Variants in ARHGAP10 observed in about 807,000 individuals in gnomAD.
The protein encoded by ARHGAP10 is Rho GTPase activating protein 10.
Under a neutral mutation model 108.6 loss-of-function variants are expected in ARHGAP10, and 87 were observed. The ratio of observed to expected loss-of-function variants is 0.80; its 90% CI spans 0.67 to 0.96. The LOEUF is 0.96. ARHGAP10 is among the 40% of genes least tolerant of loss of function. The pLI is 0.00. For missense variants in ARHGAP10, 939 were observed against 954.5 expected (o/e 0.98, Z 0.21); for synonymous variants, 347 against 341.1 (o/e 1.02, Z -0.19).
chr4:147,911,475 G>C (rs1464308944), intron 12 of ARHGAP10, among the ~76,000 whole-genome samples: 1 of 152,162 alleles, frequency 6.6e-6, no homozygotes, highest in Non-Finnish European at 1.5e-5. Context: ...CCGTTTTCCT[G>C]TCTCAACCTC....
chr4:148,071,904 G>C (rs1730199109), intron 22 of ARHGAP10, 89 bp from the exon 23 acceptor site: 1 of 1,098,484 alleles, frequency 9.1e-7, no homozygotes, highest in Non-Finnish European at 1.3e-6. Context: ...TTCTCTACTG[G>C]CCACTCCCTG....
At position 147,906,596 on chromosome 4, in the gene ARHGAP10, A is replaced by T. The variant is rs12509618; in HGVS notation, c.1035-42A>T. 1.6e-5 allele frequency: 25 copies of T among 1,597,616 alleles called. No homozygotes were observed. In the East Asian group the frequency reaches 1.6e-4, roughly 10 times the overall value. ...AAATCTTAGGAAAAACTTGCCTTTT[A>T]GTGGCCAAGGGGTAACCTGATATGT... is the stretch of plus-strand genomic sequence containing the variant. On this transcript the variant is annotated intron_variant, in intron 10 of 22. Coordinates refer to ENST00000336498, the MANE Select transcript of ARHGAP10 (RefSeq NM_024605.4).
chr4:147,955,919 A>G (rs1010151630), intron 16 of ARHGAP10, among the ~76,000 whole-genome samples: 1 of 152,230 alleles, frequency 6.6e-6, no homozygotes, highest in South Asian at 2.1e-4. Context: ...AAAAAGGCCT[A>G]TAGTTGGTAG....
chr4:147,869,444 T>C (rs889962053), intron 7 of ARHGAP10, among the ~76,000 whole-genome samples: 1 of 152,220 alleles, frequency 6.6e-6, no homozygotes, highest in African/African-American at 2.4e-5. Context: ...GGAAATCTTA[T>C]GAGCAAACCT....
At chr4:148,017,243 C>T (rs536559358) in intron 18 of ARHGAP10, among the ~76,000 whole-genome samples, 45 of 152,170 alleles carry the variant, frequency 3.0e-4, no homozygotes, top group African/African-American at 5.8e-4. Context: ...GAATATAGAG[C>T]GAGATGCCTT....
intron 13 of ARHGAP10, among the ~76,000 whole-genome samples, chr4:147,936,515 GAGACGGGGTTTCACCTTGTT>G (rs1335561077): frequency 6.6e-6 from 1 of 151,362 alleles, no homozygotes; most frequent in Non-Finnish European, 1.5e-5. Flanking sequence ...ATTTTTAGTA[GAGACGGGGTTTCACCTTGTT>G]AGCCAGGATG....
intron 1 of ARHGAP10, among the ~76,000 whole-genome samples, chr4:147,755,463 C>A (rs967356995): frequency 2.0e-5 from 3 of 151,858 alleles, no homozygotes; most frequent in African/African-American, 4.8e-5. Flanking sequence ...GCGGAGGTTG[C>A]GGTGAGCCGA....
chr4:147,762,719 G>C (rs1378245566), intron 1 of ARHGAP10, among the ~76,000 whole-genome samples: 1 of 151,560 alleles, frequency 6.6e-6, no homozygotes, highest in Non-Finnish European at 1.5e-5. Context: ...TTTTAGTAGA[G>C]ATGGGTTTCA....
At chr4:147,820,973 A>G (rs1322114034) in intron 1 of ARHGAP10, among the ~76,000 whole-genome samples, 3 of 152,274 alleles carry the variant, frequency 2.0e-5, no homozygotes, top group Non-Finnish European at 4.4e-5. Flanking sequence ...CTAATGGCTA[A>G]AATAGCAGCC....
rs541642261 is a variant in ARHGAP10 at position 147,838,482 on chromosome 4, A to C, written c.313-8669A>C. Among the ~76,000 whole-genome samples, 496 of 149,286 alleles carry C rather than the reference A, an allele frequency of 3.3e-3. 4 individuals carry two copies. The highest frequency in any genetic ancestry group is 9.9e-3 in the African/African-American group (403 of 40,828). On this transcript the variant is annotated intron_variant, in intron 3 of 22. Transcript: ENST00000336498. Reference sequence around the variant, plus strand: ...TGAGACCCTTGTCTCTTAAAAAAAAAACACACACACACACACACCAAAGAC... The same window carrying C: ...TGAGACCCTTGTCTCTTAAAAAAAACACACACACACACACACACCAAAGAC...
chr4:147,871,412 T>C (rs1734818837), intron 7 of ARHGAP10, among the ~76,000 whole-genome samples: 1 of 152,200 alleles, frequency 6.6e-6, no homozygotes, highest in Admixed American at 6.5e-5. Context: ...TATTTTACAA[T>C]GATATGGTTT....
chr4:147,883,856 G>A (rs1022450423), intron 10 of ARHGAP10, among the ~76,000 whole-genome samples: 16 of 151,948 alleles, frequency 1.1e-4, no homozygotes, highest in African/African-American at 3.4e-4. Context: ...TACCAGACCC[G>A]GCTAATTTTT....
chr4:147,913,037 TA>T (rs1241350327), intron 12 of ARHGAP10, 36 bp from the exon 13 acceptor site: 1 of 1,548,004 alleles, frequency 6.5e-7, no homozygotes, highest in Admixed American at 1.7e-5. Flanking sequence ...TGATAAATAA[TA>T]ATTGTACACT....
At chr4:147,948,872 A>C (rs1021796383) in intron 15 of ARHGAP10, among the ~76,000 whole-genome samples, 1 of 151,416 alleles carries the variant, frequency 6.6e-6, no homozygotes, top group Non-Finnish European at 1.5e-5. Flanking sequence ...AGGCTGAGGC[A>C]GGAGAAGGGT....
intron 1 of ARHGAP10, among the ~76,000 whole-genome samples, chr4:147,757,767 A>G (rs906583509): frequency 7.9e-5 from 12 of 152,296 alleles, no homozygotes; most frequent in Admixed American, 7.2e-4. Context: ...TGGCCCAGCT[A>G]ATTACCATTG....
At chr4:148,008,123 C>T (rs111506471) in intron 18 of ARHGAP10, among the ~76,000 whole-genome samples, 11 of 152,242 alleles carry the variant, frequency 7.2e-5, no homozygotes, top group African/African-American at 2.6e-4. Flanking sequence ...CATTGCTCCT[C>T]CTGAGGCATA....
chr4:148,046,707 G>C (rs1728900576), intron 19 of ARHGAP10, among the ~76,000 whole-genome samples, 185 bp from the exon 20 acceptor site: 1 of 152,042 alleles, frequency 6.6e-6, no homozygotes, highest in Non-Finnish European at 1.5e-5. Context: ...TGTATTATCT[G>C]TGGTTTATTT....
rs61748167 is a variant in ARHGAP10 at position 148,023,382 on chromosome 4, C to T, written c.1836C>T (p.Ala612=). The T allele has an allele frequency of 2.2e-3, 3,490 of 1,613,790 alleles. 80 individuals are homozygous for T. In the African/African-American group the frequency reaches 0.041, roughly 19 times the overall value. The change falls in exon 19 of 23, where the codon GCC becomes GCT. Residue 612 remains alanine, a synonymous_variant. Transcript: ENST00000336498. ...GCCAGAGAACCAAGAGGCCCGTGGC[C>T]GTCTACAATCTTTGTCTGGAGCTGG... ...RQGQRTKRPV[A]VYNLCLELED...
chr4:148,046,398 G>A (rs1311088040), intron 19 of ARHGAP10, among the ~76,000 whole-genome samples: 2 of 152,136 alleles, frequency 1.3e-5, no homozygotes, highest in Non-Finnish European at 1.5e-5. Flanking sequence ...TTTAATGTTG[G>A]GGTATTAGAA....
Sources: allele counts gnomAD v4.1 joint callset (sites outside exome capture counted in the v4.1 genomes callset), GRCh38; gene constraint gnomAD v4.1.1; transcripts MANE v1.5; gene names NCBI Gene and HGNC (gene_info 2026-07-23, HGNC 2026-07-21).